GRIA4: variants seen among roughly 807,000 people sequenced by gnomAD.
GRIA4 encodes the protein glutamate ionotropic receptor AMPA type subunit 4, also known as glutamate receptor 4.
A neutral mutation model predicts 104.0 loss-of-function variants in GRIA4; 34 were observed. The ratio of observed to expected loss-of-function variants is 0.33; its 90% CI spans 0.25 to 0.44. The LOEUF is 0.44. Ranked by LOEUF, GRIA4 falls within the 20% of genes least tolerant of loss-of-function variation. The pLI is 1.00. For synonymous variants in GRIA4, 386 were observed against 381.9 expected (o/e 1.01, Z -0.13); for missense variants, 750 against 1,096.5 (o/e 0.68, Z 4.46).
At chr11:105,681,386 G>A (rs1005593444) in intron 3 of GRIA4, among the ~76,000 whole-genome samples, 2 of 152,164 alleles carry the variant, frequency 1.3e-5, no homozygotes, top group African/African-American at 4.8e-5. Context: ...TATTTGTGAA[G>A]TGGCACTTAA....
chr11:105,712,162 A>T (rs521893), intron 3 of GRIA4, among the ~76,000 whole-genome samples: 81,528 of 151,772 alleles, frequency 0.54, 22,019 homozygotes, highest in Admixed American at 0.61. Context: ...AGCTCACTGT[A>T]ATTTATCTGG....
intron 3 of GRIA4, among the ~76,000 whole-genome samples, chr11:105,614,994 C>T (rs1285346680): frequency 6.6e-6 from 1 of 151,904 alleles, no homozygotes; most frequent in Non-Finnish European, 1.5e-5. Context: ...TTATTCCTCA[C>T]CATGATACGG....
chr11:105,965,872 G>C (rs1039812279), intron 14 of GRIA4: 24 of 1,019,060 alleles, frequency 2.4e-5, no homozygotes, highest in Admixed American at 8.0e-5. Context: ...AGCTTATAAA[G>C]AGCTTAAGTC....
chr11:105,757,968 G>T (rs530294017), intron 4 of GRIA4, among the ~76,000 whole-genome samples: 170 of 152,246 alleles, frequency 1.1e-3, no homozygotes, highest in African/African-American at 3.7e-3. Context: ...TTTTGGCTGG[G>T]TCTGGTGGCT....
chr11:105,965,524 G>C (rs900627384), intron 14 of GRIA4, among the ~76,000 whole-genome samples: 2 of 150,002 alleles, frequency 1.3e-5, no homozygotes, highest in African/African-American at 4.9e-5. Flanking sequence ...TTAGTGGCTT[G>C]TTTGATGGTT....
Position 105,918,805 on chromosome 11 carries a change from G to T in GRIA4, c.1363G>T (p.Ala455Ser), listed in dbSNP as rs1284194134. The T allele has an allele frequency of 6.3e-7, 1 of 1,597,718 alleles. No homozygotes were observed. ...CTGTGTAGATTTGGCATCTGAAATTGCAAAACATATTGGTATCAAGTATAA... is the reference window on the plus strand; with the variant it reads ...CTGTGTAGATTTGGCATCTGAAATTTCAAAACATATTGGTATCAAGTATAA... ...GYCVDLASEI[A>S]KHIGIKYKIA... The change falls in exon 11 of 17, where the codon GCA (alanine) becomes TCA (serine). Residue 455 changes from alanine (A) to serine (S), a missense_variant. Ala to Ser is a moderately conservative substitution (Grantham distance 99). Around this residue, in one of 3 missense-constraint regions of GRIA4, gnomAD observed 272 missense variants for 524.5 expected, o/e 0.52. Transcript: ENST00000282499.
At position 105,612,273 on chromosome 11, in the gene GRIA4, T is replaced by C; in HGVS notation, c.89-3T>C. On this transcript the variant is annotated splice_region_variant and splice_polypyrimidine_tract_variant and intron_variant, in intron 2 of 16. Coordinates refer to ENST00000282499, the MANE Select transcript of GRIA4 (RefSeq NM_000829.4). The stretch of plus-strand genomic sequence containing the variant: ...AATGTGCTTTTCCTGCTGTTTTTAA[T>C]AGGTGGTCTCTTCATCCGAAACACA... The C allele has an allele frequency of 6.2e-7, 1 of 1,613,946 alleles. No homozygotes were observed. The highest frequency in any genetic ancestry group is 1.7e-5 in the Admixed American group (1 of 60,020).
intron 3 of GRIA4, among the ~76,000 whole-genome samples, chr11:105,617,904 T>C (rs1273785643): frequency 6.6e-6 from 1 of 151,980 alleles, no homozygotes; most frequent in African/African-American, 2.4e-5. Context: ...CAGAGAAACA[T>C]TGCTAGGAGA....
chr11:105,712,873 A>G (rs1015976352), intron 3 of GRIA4, among the ~76,000 whole-genome samples: 5 of 152,086 alleles, frequency 3.3e-5, no homozygotes, highest in African/African-American at 9.7e-5. Flanking sequence ...AAAAATATAA[A>G]GAGCTCAGCA....
chr11:105,971,977 C>T lies in GRIA4; in HGVS notation c.2358C>T (p.Asn786=). The change falls in exon 15 of 17, where the codon AAC becomes AAT. Residue 786 remains asparagine, a synonymous_variant. Transcript: ENST00000282499. ...SEAGVLDKLK[N]KWWYDKGECG... ...CAGGCGTCTTAGACAAGCTGAAAAA[C>T]AAATGGTGGTACGATAAAGGTGAAT... The T allele has an allele frequency of 6.2e-7, 1 of 1,613,012 alleles. No homozygotes were observed. The highest frequency in any genetic ancestry group is 8.5e-7 in the Non-Finnish European group (1 of 1,179,240).
rs180962303 is a variant in GRIA4 at position 105,800,182 on chromosome 11, G to A, written c.487+46962G>A. On this transcript the variant is annotated intron_variant, in intron 4 of 16. Transcript: ENST00000282499. ...CTAGAGGCAATTGGTCAGAGGGTAA[G>A]TGATTGAAATGGAGATTATGGAGAA... Among the ~76,000 whole-genome samples the A allele has an allele frequency of 2.4e-3, 361 of 152,170 alleles. 3 individuals are homozygous for A. Among genetic ancestry groups the A allele is most frequent in the Non-Finnish European group, 4.1e-3 (279 of 67,976 alleles).
chr11:105,730,113 T>C (rs893052117), intron 3 of GRIA4, among the ~76,000 whole-genome samples: 8 of 152,224 alleles, frequency 5.3e-5, no homozygotes, highest in Admixed American at 6.5e-5. Context: ...GATGACATGA[T>C]TGTATATTTA....
chr11:105,892,362 C>T (rs755177574), intron 6 of GRIA4, among the ~76,000 whole-genome samples: 4 of 152,124 alleles, frequency 2.6e-5, no homozygotes, highest in Non-Finnish European at 5.9e-5. Flanking sequence ...ATTTAATTTA[C>T]ATCTAGGAGA....
intron 3 of GRIA4, among the ~76,000 whole-genome samples, chr11:105,709,016 A>T (rs1026743203): frequency 6.6e-6 from 1 of 152,166 alleles, no homozygotes; most frequent in East Asian, 1.9e-4. Flanking sequence ...TTCTCCAATT[A>T]AAAAAGCCAG....
chr11:105,910,347 C>T, intron 9 of GRIA4, 88 bp from the exon 10 acceptor site: 1 of 641,930 alleles, frequency 1.6e-6, no homozygotes, highest in Non-Finnish European at 2.8e-6. Context: ...GTTTTGTTTG[C>T]TTACCTATTC....
intron 4 of GRIA4, among the ~76,000 whole-genome samples, chr11:105,798,252 A>C (rs1942573595): frequency 6.6e-6 from 1 of 152,110 alleles, no homozygotes; most frequent in Admixed American, 6.6e-5. Flanking sequence ...GTATAAGATA[A>C]AGGAAAAGTT....
intron 3 of GRIA4, among the ~76,000 whole-genome samples, chr11:105,638,149 T>C (rs568764943): frequency 6.6e-6 from 1 of 152,248 alleles, no homozygotes; most frequent in East Asian, 1.9e-4. Flanking sequence ...TCTGCAAGAA[T>C]GCGATTATGA....
chr11:105,738,153 C>T (rs974584037), intron 3 of GRIA4, among the ~76,000 whole-genome samples: 8 of 151,950 alleles, frequency 5.3e-5, no homozygotes, highest in Non-Finnish European at 8.8e-5. Context: ...TGAGTGGAAG[C>T]GAATTTAATG....
intron 8 of GRIA4, among the ~76,000 whole-genome samples, chr11:105,904,935 C>T (rs1051680093): frequency 2.6e-5 from 4 of 152,136 alleles, no homozygotes; most frequent in East Asian, 3.9e-4. Flanking sequence ...GAGGATTCTT[C>T]GACTAAAAAT....
Sources: allele counts gnomAD v4.1 joint callset (sites outside exome capture counted in the v4.1 genomes callset), GRCh38; gene constraint gnomAD v4.1.1; regional missense constraint gnomAD v4.1.1; transcripts MANE v1.5; gene names NCBI Gene and HGNC (gene_info 2026-07-23, HGNC 2026-07-21).